PTPRM: variants seen among roughly 807,000 people sequenced by gnomAD.
PTPRM encodes protein tyrosine phosphatase receptor type M, also known as receptor-type tyrosine-protein phosphatase mu.
A neutral mutation model predicts 186.7 loss-of-function variants in PTPRM; 47 were observed. The observed-to-expected ratio is 0.25, with a 90% CI of 0.20 to 0.32. The LOEUF (loss-of-function observed/expected upper bound fraction) is 0.32. Among genes scored for constraint, PTPRM ranks in the 10% least tolerant of loss-of-function variants. The pLI, the probability that PTPRM is intolerant of heterozygous loss-of-function variation, is 1.00. For synonymous variants in PTPRM, 668 were observed against 674.9 expected, an observed-to-expected ratio of 0.99 and a Z score of 0.16; for missense variants, 1,494 against 1,865.0, an observed-to-expected ratio of 0.80 and a Z score of 3.66.
chr18:7,812,700 T>C (rs1206396454), intron 2 of PTPRM, among the ~76,000 whole-genome samples: 4 of 152,168 alleles, frequency 2.6e-5, no homozygotes, highest in Admixed American at 6.5e-5. Flanking sequence ...CCAGTGAATG[T>C]TGAAAACTGA....
chr18:8,378,691 T>A (rs2095711675), intron 27 of PTPRM, among the ~76,000 whole-genome samples: 2 of 152,214 alleles, frequency 1.3e-5, no homozygotes, highest in African/African-American at 2.4e-5. Flanking sequence ...TCCTTCCCTC[T>A]GAAGGCAGAC....
intron 14 of PTPRM, among the ~76,000 whole-genome samples, chr18:8,239,448 G>A (rs1385352697): frequency 6.6e-6 from 1 of 152,012 alleles, no homozygotes. Context: ...TGAAAACCTG[G>A]TAGGGTTCCT....
intron 11 of PTPRM, among the ~76,000 whole-genome samples, chr18:8,111,090 C>T (rs1351465939): frequency 2.6e-5 from 4 of 152,196 alleles, no homozygotes; most frequent in Admixed American, 2.6e-4. Context: ...CTCTACACCT[C>T]AGTTTTCACA....
chr18:7,660,093 C>T (rs777420560), intron 1 of PTPRM, among the ~76,000 whole-genome samples: 1 of 152,142 alleles, frequency 6.6e-6, no homozygotes, highest in Non-Finnish European at 1.5e-5. Flanking sequence ...GTAATCCCAG[C>T]ACTTTGGGAG....
chr18:8,275,477 A>G (rs985027514), intron 19 of PTPRM, among the ~76,000 whole-genome samples: 1 of 152,124 alleles, frequency 6.6e-6, no homozygotes, highest in East Asian at 1.9e-4. Flanking sequence ...GGTTCCAGGA[A>G]ACTCTGTTGC....
intron 32 of PTPRM, among the ~76,000 whole-genome samples, chr18:8,398,379 G>A (rs1354031875): frequency 2.6e-5 from 4 of 152,194 alleles, no homozygotes; most frequent in African/African-American, 9.6e-5. Flanking sequence ...AGAAGTAGAA[G>A]ATACAGTCTC....
chr18:8,171,264 G>A (rs1354738166), intron 14 of PTPRM, among the ~76,000 whole-genome samples: 2 of 152,224 alleles, frequency 1.3e-5, no homozygotes, highest in South Asian at 2.1e-4. Flanking sequence ...TCCAGAATGT[G>A]CAGAAATTCT....
chr18:8,344,444 G>GTATATATATATATA (rs749210473), intron 23 of PTPRM, among the ~76,000 whole-genome samples: 2 of 129,536 alleles, frequency 1.5e-5, no homozygotes, highest in Non-Finnish European at 3.1e-5. Flanking sequence ...GTGTGTGTGT[G>GTATATATATATATA]TGTGTATATA....
chr18:7,633,554 C>A (rs1008514546), intron 1 of PTPRM, among the ~76,000 whole-genome samples: 1 of 152,172 alleles, frequency 6.6e-6, no homozygotes, highest in African/African-American at 2.4e-5. Context: ...CTCTTGGAAT[C>A]CCCATGTTGT....
chr18:8,168,623 G>A (rs1048764206), intron 14 of PTPRM, among the ~76,000 whole-genome samples: 1 of 152,028 alleles, frequency 6.6e-6, no homozygotes, highest in Non-Finnish European at 1.5e-5. Context: ...GTTTATAAGT[G>A]GAATCAACAC....
chr18:7,729,511 T>C (rs1448473715), intron 1 of PTPRM, among the ~76,000 whole-genome samples: 5 of 151,086 alleles, frequency 3.3e-5, no homozygotes, highest in African/African-American at 1.2e-4. Flanking sequence ...AAATAGCATT[T>C]ATTTTATAAT....
At chr18:8,311,245 G>T (rs1362749096) in intron 20 of PTPRM, among the ~76,000 whole-genome samples, 11 of 151,654 alleles carry the variant, frequency 7.3e-5, no homozygotes, top group Admixed American at 6.6e-4. Flanking sequence ...GGAGGCAGAG[G>T]TTGCAATGAG....
At chr18:8,143,872 T>G in intron 14 of PTPRM, 93 bp downstream of exon 14, 1 of 1,477,036 alleles carries the variant, frequency 6.8e-7, no homozygotes, top group South Asian at 1.2e-5. Flanking sequence ...CTGAACTGGC[T>G]TTGATAACCC....
Position 7,682,444 on chromosome 18 carries a change from A to G in PTPRM, c.74-91705A>G, listed in dbSNP as rs188397798. On this transcript the variant is annotated intron_variant, in intron 1 of 32. Transcript: ENST00000580170. Reference sequence around the variant, plus strand: ...AAGAATAAAGAAGAAAGCCTCTAGCATCTTAAGTTTCACTCATTTCTGCTC... The same window carrying G: ...AAGAATAAAGAAGAAAGCCTCTAGCGTCTTAAGTTTCACTCATTTCTGCTC... Among the ~76,000 whole-genome samples, 5 of 152,342 alleles carry G rather than the reference A, an allele frequency of 3.3e-5. No individual in the cohort carries two copies. In the East Asian group the frequency reaches 7.7e-4, roughly 24 times the overall value.
chr18:7,850,206 G>T (rs561547010), intron 2 of PTPRM, among the ~76,000 whole-genome samples: 1 of 152,322 alleles, frequency 6.6e-6, no homozygotes, highest in Admixed American at 6.5e-5. Flanking sequence ...TGTATTTGAA[G>T]ATATATGTTA....
chr18:8,162,879 G>A (rs757619042), intron 14 of PTPRM, among the ~76,000 whole-genome samples: 42 of 152,284 alleles, frequency 2.8e-4, no homozygotes, highest in Non-Finnish European at 5.7e-4. Context: ...CCACAGCCTG[G>A]CGAGCTGATG....
At chr18:8,201,864 A>C (rs1444205878) in intron 14 of PTPRM, among the ~76,000 whole-genome samples, 1 of 152,230 alleles carries the variant, frequency 6.6e-6, no homozygotes, top group East Asian at 1.9e-4. Context: ...TCCATAGTGC[A>C]CAGTCCGTCA....
At chr18:8,157,908 G>A (rs1451952408) in intron 14 of PTPRM, among the ~76,000 whole-genome samples, 4 of 152,194 alleles carry the variant, frequency 2.6e-5, no homozygotes, top group East Asian at 3.9e-4. Context: ...CACTGTCTTC[G>A]GTGTGCATAA....
chr18:8,075,317 A>G (rs988396249), intron 8 of PTPRM, among the ~76,000 whole-genome samples: 2 of 152,042 alleles, frequency 1.3e-5, no homozygotes, highest in African/African-American at 4.8e-5. Flanking sequence ...TCCTATGCCA[A>G]CACCACACTG....
Sources: allele counts gnomAD v4.1 joint callset (sites outside exome capture counted in the v4.1 genomes callset), GRCh38; gene constraint gnomAD v4.1.1; transcripts MANE v1.5; gene names NCBI Gene and HGNC (gene_info 2026-07-23, HGNC 2026-07-21).